Variants in GALNT13 observed in about 807,000 individuals in gnomAD.
The protein encoded by GALNT13 is polypeptide N-acetylgalactosaminyltransferase 13, also known as UDP-GalNAc:polypeptide N-acetylgalactosaminyltransferase 13.
GALNT13 carries 28 observed loss-of-function variants against 64.2 expected under a neutral mutation model. The ratio of observed to expected loss-of-function variants is 0.44; its 90% CI spans 0.32 to 0.60. The LOEUF is 0.60. Among genes scored for constraint, GALNT13 ranks in the 20% least tolerant of loss-of-function variants. GALNT13 has a pLI of 0.05. For synonymous variants in GALNT13, 214 were observed against 224.6 expected (o/e 0.95, Z 0.42); for missense variants, 577 against 669.8 (o/e 0.86, Z 1.53).
At chr2:153,536,462 G>GT in the GALNT13 span, among the ~76,000 whole-genome samples, 33 of 150,122 alleles carry the variant, frequency 2.2e-4, no homozygotes, top group Non-Finnish European at 2.7e-4. Context: ...GTGATTTTGA[G>GT]TTTTTTTTTT....
the GALNT13 span, among the ~76,000 whole-genome samples, chr2:153,310,057 T>C: frequency 6.6e-6 from 1 of 152,206 alleles, no homozygotes; most frequent in Non-Finnish European, 1.5e-5. Flanking sequence ...CGTCCTCCTC[T>C]AAAATTTTTA....
At chr2:154,030,578 T>G (rs1000942372) in intron 3 of GALNT13, among the ~76,000 whole-genome samples, 1 of 152,048 alleles carries the variant, frequency 6.6e-6, no homozygotes, top group African/African-American at 2.4e-5. Flanking sequence ...ATTGATATGG[T>G]TTGGTTCTGT....
At chr2:153,141,378 G>A in the GALNT13 span, among the ~76,000 whole-genome samples, 1 of 151,974 alleles carries the variant, frequency 6.6e-6, no homozygotes, top group Non-Finnish European at 1.5e-5. Context: ...CAGAGATAAG[G>A]GTGGGCTAGG....
intron 2 of GALNT13, among the ~76,000 whole-genome samples, chr2:153,925,600 A>T (rs557327672): frequency 1.3e-5 from 2 of 149,964 alleles, no homozygotes; most frequent in Non-Finnish European, 3.0e-5. Flanking sequence ...GAGGAATGTC[A>T]ATGGTAGTTT....
the GALNT13 span, among the ~76,000 whole-genome samples, chr2:153,659,853 A>G: frequency 1.3e-5 from 2 of 152,140 alleles, no homozygotes; most frequent in South Asian, 2.1e-4. Flanking sequence ...GAGGCTTGTG[A>G]TATAATATGA....
the GALNT13 span, among the ~76,000 whole-genome samples, chr2:153,403,822 A>G: frequency 6.6e-6 from 1 of 152,062 alleles, no homozygotes; most frequent in African/African-American, 2.4e-5. Flanking sequence ...ACCTGCGCCC[A>G]CTGTCTGGCA....
At chr2:153,885,836 T>C (rs988721430) in intron 1 of GALNT13, among the ~76,000 whole-genome samples, 13 of 152,124 alleles carry the variant, frequency 8.5e-5, no homozygotes, top group Non-Finnish European at 1.9e-4. Context: ...GTAAAGATAC[T>C]AGCTATTCCT....
At chr2:153,691,917 C>T in the GALNT13 span, among the ~76,000 whole-genome samples, 32 of 151,948 alleles carry the variant, frequency 2.1e-4, 1 homozygote, top group Non-Finnish European at 4.4e-5. Context: ...CTTAAAAAAA[C>T]ATGGATTATA....
At chr2:153,520,637 G>A in the GALNT13 span, among the ~76,000 whole-genome samples, 1 of 152,104 alleles carries the variant, frequency 6.6e-6, no homozygotes, top group Non-Finnish European at 1.5e-5. Flanking sequence ...ATGCTGAGAG[G>A]TTGGCGCATT....
the GALNT13 span, among the ~76,000 whole-genome samples, chr2:153,181,625 TTATA>T: frequency 6.8e-6 from 1 of 146,534 alleles, no homozygotes; most frequent in African/African-American, 2.5e-5. Flanking sequence ...TAAATATAAT[TTATA>T]TATTTATATA....
rs1049174810 is a variant in GALNT13 at position 153,875,274 on chromosome 2, A to G, written c.-177+2971A>G. On this transcript the variant is annotated intron_variant, in intron 1 of 12. Transcript: ENST00000392825. Reference sequence around the variant, plus strand: ...CTAGTCACCTCTTAAAATAGTTGCTAATTTATCATGAGTATGGTGCAGGAG... The same window carrying G: ...CTAGTCACCTCTTAAAATAGTTGCTGATTTATCATGAGTATGGTGCAGGAG... 4.6e-5 allele frequency among the ~76,000 whole-genome samples: 7 copies of G among 152,298 alleles called. No homozygotes were observed. The East Asian group carries it at 1.2e-3, about 25-fold the overall frequency.
the GALNT13 span, among the ~76,000 whole-genome samples, chr2:153,400,447 G>A: frequency 1.3e-5 from 2 of 152,204 alleles, no homozygotes; most frequent in Non-Finnish European, 2.9e-5. Flanking sequence ...CATAAAATGA[G>A]TTAGGGAGGA....
chr2:153,897,430 G>A lies in GALNT13; in HGVS notation c.-176-3506G>A, dbSNP rs576595474. Reference sequence around the variant, plus strand: ...ACAGGCATACCACAAAAGTGATGTTGTGTTCTTCTCAAGTGCATCATACTT... The same window carrying A: ...ACAGGCATACCACAAAAGTGATGTTATGTTCTTCTCAAGTGCATCATACTT... On this transcript the variant is annotated intron_variant, in intron 1 of 12. Coordinates refer to ENST00000392825, the MANE Select transcript of GALNT13 (RefSeq NM_052917.4). Among the ~76,000 whole-genome samples the A allele has an allele frequency of 2.0e-5, 3 of 152,174 alleles. No individual in the cohort carries two copies. The East Asian group carries it at 5.8e-4, about 29-fold the overall frequency.
the GALNT13 span, among the ~76,000 whole-genome samples, chr2:153,713,494 T>G: frequency 6.6e-6 from 1 of 151,960 alleles, no homozygotes; most frequent in Non-Finnish European, 1.5e-5. Context: ...AGACCATGTC[T>G]TTTTTTTGTG....
the GALNT13 span, among the ~76,000 whole-genome samples, chr2:153,523,961 T>C: frequency 2.0e-5 from 3 of 152,120 alleles, no homozygotes; most frequent in Non-Finnish European, 4.4e-5. Context: ...TCAAGTTGAG[T>C]TATATATTTC....
At chr2:153,970,965 A>G (rs1049422130) in intron 3 of GALNT13, among the ~76,000 whole-genome samples, 10 of 152,196 alleles carry the variant, frequency 6.6e-5, no homozygotes, top group Non-Finnish European at 1.3e-4. Context: ...AAAAGTTATT[A>G]TGATGGCTTA....
the GALNT13 span, among the ~76,000 whole-genome samples, chr2:153,854,716 C>T: frequency 6.6e-6 from 1 of 151,926 alleles, no homozygotes; most frequent in Admixed American, 6.6e-5. Context: ...TTAAAAGAGT[C>T]AATATTTTAA....
At chr2:154,005,860 C>T (rs997324628) in intron 3 of GALNT13, among the ~76,000 whole-genome samples, 8 of 152,104 alleles carry the variant, frequency 5.3e-5, no homozygotes, top group South Asian at 2.1e-4. Context: ...ATTTTGATTC[C>T]GTACATTGAG....
the GALNT13 span, among the ~76,000 whole-genome samples, chr2:153,160,099 A>G: frequency 6.6e-6 from 1 of 152,256 alleles, no homozygotes. Flanking sequence ...ATGTAGAAAG[A>G]ATGTTCCAAC....
Sources: allele counts gnomAD v4.1 joint callset (sites outside exome capture counted in the v4.1 genomes callset), GRCh38; gene constraint gnomAD v4.1.1; transcripts MANE v1.5; gene names NCBI Gene and HGNC (gene_info 2026-07-23, HGNC 2026-07-21).